Variants in PKNOX2 observed in about 807,000 individuals in gnomAD.
PKNOX2 encodes the protein PBX/knotted 1 homeobox 2.
Under a neutral mutation model 53.1 loss-of-function variants are expected in PKNOX2, and 14 were observed. The ratio of observed to expected loss-of-function variants is 0.26; its 90% CI spans 0.17 to 0.41. The LOEUF (loss-of-function observed/expected upper bound fraction) is 0.41. Among genes scored for constraint, PKNOX2 ranks in the 10% least tolerant of loss-of-function variants. PKNOX2 has a pLI of 1.00. For synonymous variants in PKNOX2, 257 were observed against 242.8 expected, an observed-to-expected ratio of 1.06 and a Z score of -0.54; for missense variants, 496 against 602.8, an observed-to-expected ratio of 0.82 and a Z score of 1.85.
At chr11:125,413,533 T>A (rs1317238432) in intron 10 of PKNOX2, among the ~76,000 whole-genome samples, 1 of 152,314 alleles carries the variant, frequency 6.6e-6, no homozygotes, top group Admixed American at 6.5e-5. Context: ...CAACTGCTCG[T>A]GGAGCTAAGT....
chr11:125,249,572 C>A (rs1943841301), intron 2 of PKNOX2, among the ~76,000 whole-genome samples: 1 of 152,138 alleles, frequency 6.6e-6, no homozygotes, highest in Admixed American at 6.5e-5. Context: ...TATGGGTAAT[C>A]TGGAGATGAT....
rs1312919559 is a variant in PKNOX2, at chr11:125,364,076, T to C, written c.88-3770T>C. ...CTGGTCCACACCTGAGCCTACTCTTTAGGCTGTGCTGCCCAGTAACTTCCC... is the reference window on the plus strand; with the variant it reads ...CTGGTCCACACCTGAGCCTACTCTTCAGGCTGTGCTGCCCAGTAACTTCCC... On this transcript the variant is annotated intron_variant, in intron 4 of 12. Coordinates refer to ENST00000298282, the MANE Select transcript of PKNOX2 (RefSeq NM_001382323.2). 2.6e-5 allele frequency among the ~76,000 whole-genome samples: 4 copies of C among 152,204 alleles called. No individual in the cohort carries two copies. In the East Asian group the frequency reaches 7.7e-4, roughly 29 times the overall value.
intron 7 of PKNOX2, among the ~76,000 whole-genome samples, chr11:125,403,562 G>A (rs1299207756): frequency 6.6e-6 from 1 of 152,162 alleles, no homozygotes; most frequent in African/African-American, 2.4e-5. Context: ...TCCAAGAAAA[G>A]AGAAGCTGAG....
At chr11:125,171,235 A>G (rs1955297767) in intron 1 of PKNOX2, among the ~76,000 whole-genome samples, 1 of 152,192 alleles carries the variant, frequency 6.6e-6, no homozygotes, top group African/African-American at 2.4e-5. Context: ...GCAGCATGGC[A>G]TTCACCCATT....
intron 1 of PKNOX2, among the ~76,000 whole-genome samples, chr11:125,201,917 G>A (rs543431161): frequency 7.2e-5 from 11 of 152,312 alleles, no homozygotes; most frequent in Non-Finnish European, 1.2e-4. Flanking sequence ...TGGGGGTCAC[G>A]AGCTGCCTTG....
chr11:125,342,795 C>T (rs927280709), intron 3 of PKNOX2, among the ~76,000 whole-genome samples: 3 of 151,434 alleles, frequency 2.0e-5, no homozygotes, highest in African/African-American at 7.3e-5. Flanking sequence ...CCGGGGCTCC[C>T]AGGTGCCCTG....
chr11:125,303,647 A>G (rs12576029), intron 2 of PKNOX2, among the ~76,000 whole-genome samples: 5,136 of 152,224 alleles, frequency 0.034, 206 homozygotes, highest in East Asian at 0.21. Context: ...CCCACCCTTC[A>G]ACATTTCTCT....
chr11:125,331,299 C>T (rs946564420), intron 2 of PKNOX2, among the ~76,000 whole-genome samples: 1 of 152,202 alleles, frequency 6.6e-6, no homozygotes, highest in Non-Finnish European at 1.5e-5. Context: ...CATTCCCCTC[C>T]GACTCTTCCT....
At chr11:125,409,140 T>G (rs190334687) in intron 7 of PKNOX2, among the ~76,000 whole-genome samples, 2 of 152,168 alleles carry the variant, frequency 1.3e-5, no homozygotes, top group Non-Finnish European at 2.9e-5. Flanking sequence ...CGCTGCCTTT[T>G]TTCTTCTCCG....
rs1260703740 is a variant in PKNOX2 at position 125,189,355 on chromosome 11, TTATATATATATATG to T, written c.-201+24595_-201+24608del. On this transcript the variant is annotated intron_variant, in intron 1 of 12. Transcript: ENST00000298282. ...AGAGATACTTCTATTGAAATTCTAA[TTATATATATATATG>T]TATATATATATATGTGTGTATATAT... 5.0e-4 allele frequency among the ~76,000 whole-genome samples: 61 copies of T among 122,276 alleles called. 1 individual carries two copies. The highest frequency in any genetic ancestry group is 1.8e-3 in the African/African-American group (55 of 31,006). 80.2% of individuals were successfully genotyped at this position (122,276 alleles called of 152,430 possible).
intron 2 of PKNOX2, among the ~76,000 whole-genome samples, chr11:125,294,236 T>C (rs535920277): frequency 3.3e-5 from 5 of 152,380 alleles, no homozygotes; most frequent in Admixed American, 3.3e-4. Flanking sequence ...GCCATTGTTA[T>C]TGTGTTTTCA....
chr11:125,289,822 G>A (rs931746759), intron 2 of PKNOX2, among the ~76,000 whole-genome samples: 8 of 152,120 alleles, frequency 5.3e-5, no homozygotes, highest in East Asian at 1.9e-4. Flanking sequence ...CGTGTCACTC[G>A]GTGCTCATTA....
Position 125,385,547 on chromosome 11 carries a change from G to A in PKNOX2, c.228-4G>A, listed in dbSNP as rs1355147014. 3 of 1,606,196 alleles carry A rather than the reference G, an allele frequency of 1.9e-6. No homozygotes were observed. Among genetic ancestry groups the A allele is most frequent in the African/African-American group, 1.3e-5 (1 of 74,446 alleles). Reference sequence around the variant, plus strand: ...GCATGTGTGAGCTCTTGATGTCCCTGCAGGCACCCTCTTTTCCCGCTCCTG... The same window carrying A: ...GCATGTGTGAGCTCTTGATGTCCCTACAGGCACCCTCTTTTCCCGCTCCTG... On this transcript the variant is annotated splice_region_variant and splice_polypyrimidine_tract_variant and intron_variant, in intron 5 of 12. Transcript: ENST00000298282.
chr11:125,229,371 C>A (rs1942006465), intron 1 of PKNOX2, among the ~76,000 whole-genome samples: 1 of 152,190 alleles, frequency 6.6e-6, no homozygotes, highest in South Asian at 2.1e-4. Flanking sequence ...CAATGATCGA[C>A]ATGTGGAAAT....
At chr11:125,364,789 C>T (rs576635854) in intron 4 of PKNOX2, among the ~76,000 whole-genome samples, 6 of 152,322 alleles carry the variant, frequency 3.9e-5, no homozygotes, top group East Asian at 1.9e-4. Context: ...CTCACACCAG[C>T]GCTGTGTGGT....
intron 1 of PKNOX2, among the ~76,000 whole-genome samples, chr11:125,173,473 C>T (rs1303761002): frequency 6.6e-6 from 1 of 152,224 alleles, no homozygotes; most frequent in Non-Finnish European, 1.5e-5. Flanking sequence ...GGAGACAACA[C>T]AAGCCATTCC....
At chr11:125,210,084 C>T (rs1255246433) in intron 1 of PKNOX2, among the ~76,000 whole-genome samples, 5 of 152,038 alleles carry the variant, frequency 3.3e-5, no homozygotes, top group African/African-American at 9.7e-5. Flanking sequence ...GAAGCTATGC[C>T]GTAAAGGTTC....
intron 1 of PKNOX2, among the ~76,000 whole-genome samples, chr11:125,174,800 C>T (rs1170867258): frequency 1.3e-5 from 2 of 152,146 alleles, no homozygotes; most frequent in Non-Finnish European, 2.9e-5. Context: ...AAGACCGCTG[C>T]TCCCCTGTGG....
rs112029181 is a variant in PKNOX2, at chr11:125,276,677, G to A, written c.-130+41562G>A. ...CATCAACTGAGAGTGGGGTGGGGAG[G>A]GAGTGTTGGAGACCTGGGGAGAGAA... On this transcript the variant is annotated intron_variant, in intron 2 of 12. Transcript: ENST00000298282. Among the ~76,000 whole-genome samples, 352 of 152,248 alleles carry A rather than the reference G, an allele frequency of 2.3e-3. 1 individual carries two copies. The highest frequency in any genetic ancestry group is 9.1e-3 in the South Asian group (44 of 4,822).
Sources: allele counts gnomAD v4.1 joint callset (sites outside exome capture counted in the v4.1 genomes callset), GRCh38; gene constraint gnomAD v4.1.1; transcripts MANE v1.5; gene names NCBI Gene and HGNC (gene_info 2026-07-23, HGNC 2026-07-21).